Variants in NIPBL observed in about 807,000 individuals in gnomAD.
The protein encoded by NIPBL is NIPBL cohesin loading factor.
NIPBL carries 19 observed loss-of-function variants against 321.8 expected under a neutral mutation model. The ratio of observed to expected loss-of-function variants is 0.06; its 90% CI spans 0.04 to 0.09. The LOEUF (loss-of-function observed/expected upper bound fraction) is 0.09. Ranked by LOEUF, NIPBL falls within the 10% of genes least tolerant of loss-of-function variation. NIPBL has a pLI of 1.00. For missense variants in NIPBL, 2,210 were observed against 3,327.0 expected (o/e 0.66, Z 8.26); for synonymous variants, 1,106 against 1,114.1 (o/e 0.99, Z 0.14).
chr5:36,924,357 CA>C (rs1356604498), intron 1 of NIPBL, among the ~76,000 whole-genome samples: 1 of 152,068 alleles, frequency 6.6e-6, no homozygotes, highest in East Asian at 1.9e-4. Context: ...AGCTTGTCAG[CA>C]TTACAGAATT....
At chr5:37,064,236 G>A (rs1289796252) in intron 46 of NIPBL, 4 of 1,379,522 alleles carry the variant, frequency 2.9e-6, no homozygotes, top group Non-Finnish European at 3.8e-6. Context: ...ATTAATGTGT[G>A]TTATTTTTAT....
At chr5:36,967,219 A>G (rs904581695) in intron 6 of NIPBL, among the ~76,000 whole-genome samples, 1 of 152,144 alleles carries the variant, frequency 6.6e-6, no homozygotes, top group Non-Finnish European at 1.5e-5. Context: ...CTTAGCTCAT[A>G]GAGATGCATT....
chr5:37,014,581 GTATTTAAATA>G, intron 21 of NIPBL, 92 bp from the exon 22 acceptor site: 1 of 721,400 alleles, frequency 1.4e-6, no homozygotes, highest in Non-Finnish European at 2.4e-6. Context: ...AAGCATTTTA[GTATTTAAATA>G]TATTACCCCT....
At chr5:36,963,519 C>T (rs1435086461) in intron 6 of NIPBL, among the ~76,000 whole-genome samples, 1 of 151,884 alleles carries the variant, frequency 6.6e-6, no homozygotes, top group Non-Finnish European at 1.5e-5. Context: ...GAAATAGACA[C>T]AGCCAGGTGT....
chr5:36,990,405 A>G (rs1392585116), intron 10 of NIPBL, among the ~76,000 whole-genome samples: 1 of 147,736 alleles, frequency 6.8e-6, no homozygotes, highest in East Asian at 2.0e-4. Context: ...TCTGAGAGTG[A>G]ATTTATAGCA....
At position 37,013,809 on chromosome 5, in the gene NIPBL, G is replaced by A. The variant is rs535427527; in HGVS notation, c.4561-874G>A. Among the ~76,000 whole-genome samples the A allele has an allele frequency of 6.6e-5, 10 of 152,338 alleles. No homozygotes were observed. In the East Asian group the frequency reaches 1.7e-3, roughly 26 times the overall value. ...CTCCTCACTTCCCAGACGGGTTGGC[G>A]GCCGGGCAGAGGCTGCAATCTCGGC... is the stretch of plus-strand genomic sequence containing the variant. On this transcript the variant is annotated intron_variant, in intron 21 of 46. Transcript: ENST00000282516.
At chr5:37,055,578 G>C (rs1414336954) in intron 42 of NIPBL, among the ~76,000 whole-genome samples, 2 of 152,032 alleles carry the variant, frequency 1.3e-5, no homozygotes, top group Non-Finnish European at 2.9e-5. Context: ...AGAAAACTTA[G>C]GAAGAAGATT....
intron 42 of NIPBL, 152 bp downstream of exon 42, chr5:37,052,718 C>T: frequency 1.5e-6 from 1 of 668,850 alleles, no homozygotes; most frequent in South Asian, 2.0e-5. Context: ...ACAAAGTACA[C>T]AGTCAGAAGT....
chr5:37,041,258 T>G (rs1211543800), intron 34 of NIPBL, among the ~76,000 whole-genome samples: 5 of 119,356 alleles, frequency 4.2e-5, no homozygotes, highest in African/African-American at 1.4e-4. Flanking sequence ...GGTGGTTTTT[T>G]TTTTTTTTTT....
intron 1 of NIPBL, among the ~76,000 whole-genome samples, chr5:36,893,634 A>G (rs570648655): frequency 1.8e-4 from 27 of 152,270 alleles, no homozygotes; most frequent in African/African-American, 6.0e-4. Context: ...GATATTTGAT[A>G]TGGACTTTTT....
intron 34 of NIPBL, 147 bp from the exon 35 acceptor site, chr5:37,044,200 C>T (rs1752742443): frequency 1.5e-6 from 1 of 670,918 alleles, no homozygotes; most frequent in Non-Finnish European, 2.5e-6. Flanking sequence ...TCCTTCCATA[C>T]CTTGAAAAAA....
chr5:36,894,775 T>C (rs191971819), intron 1 of NIPBL, among the ~76,000 whole-genome samples: 34 of 152,344 alleles, frequency 2.2e-4, no homozygotes, highest in Non-Finnish European at 3.8e-4. Flanking sequence ...GTAGGAGTTA[T>C]AGAAATTATA....
chr5:36,986,269 C>G lies in NIPBL; in HGVS notation c.3089C>G (p.Pro1030Arg). 1 of 1,537,134 alleles carries G rather than the reference C, an allele frequency of 6.5e-7. No individual in the cohort carries two copies. The highest frequency in any genetic ancestry group is 8.7e-7 in the Non-Finnish European group (1 of 1,151,138). Residue 1030 changes from proline (P) to arginine (R), a missense_variant, in exon 10 of 47, where the codon CCT (proline) becomes CGT (arginine). Pro to Arg is a moderately radical substitution (Grantham distance 103). Transcript: ENST00000282516. ...REDKSRSSLKPIKNKPSKSNK... is the reference protein window; with the variant it reads ...REDKSRSSLKRIKNKPSKSNK... Reference sequence around the variant, plus strand: ...GACAAATCAAGAAGTTCCCTTAAACCTATCAAGAATAAACCATCAAAGTCA... The same window carrying G: ...GACAAATCAAGAAGTTCCCTTAAACGTATCAAGAATAAACCATCAAAGTCA...
chr5:37,033,724 A>ATT (rs1286423460), intron 32 of NIPBL, among the ~76,000 whole-genome samples: 10 of 82,324 alleles, frequency 1.2e-4, no homozygotes, highest in South Asian at 7.8e-4. Context: ...ATATATATAT[A>ATT]TATATATTTT....
chr5:36,957,203 T>C (rs749594104), intron 3 of NIPBL, among the ~76,000 whole-genome samples: 3 of 152,198 alleles, frequency 2.0e-5, no homozygotes, highest in Non-Finnish European at 4.4e-5. Context: ...TTTAATTTGC[T>C]ACTTATATTG....
chr5:36,985,404 A>G lies in NIPBL; in HGVS notation c.2224A>G (p.Ser742Gly). 6.2e-7 allele frequency: 1 copy of G among 1,613,678 alleles called. No homozygotes were observed. The highest frequency in any genetic ancestry group is 8.5e-7 in the Non-Finnish European group (1 of 1,179,936). ...TGAAACTCCAAAGCAAAAAGGTGAG[A>G]GCCGCCCTGAAACTCCAAAGCAAAA... ...RPETPKQKGE[S>G]RPETPKQKNE... Residue 742 changes from serine (S) to glycine (G), a missense_variant, in exon 10 of 47, where the codon AGC becomes GGC. Around this residue, in one of 14 missense-constraint regions of NIPBL, gnomAD observed 588 missense variants for 564.1 expected, o/e 1.04. Transcript: ENST00000282516.
intron 45 of NIPBL, among the ~76,000 whole-genome samples, chr5:37,061,280 A>G (rs1302418473): frequency 3.3e-5 from 5 of 152,222 alleles, no homozygotes; most frequent in Admixed American, 1.3e-4. Context: ...GATTATAGGA[A>G]AACCTGTGTG....
intron 6 of NIPBL, among the ~76,000 whole-genome samples, chr5:36,967,424 T>G (rs1447470690): frequency 6.6e-6 from 1 of 152,092 alleles, no homozygotes; most frequent in Non-Finnish European, 1.5e-5. Flanking sequence ...AAAAACATAC[T>G]CAGACTGTTC....
chr5:37,066,391 C>T lies in NIPBL; in HGVS notation c.*1499C>T, dbSNP rs1755337331. On this transcript the variant is annotated 3_prime_UTR_variant, in exon 47 of 47. Coordinates refer to ENST00000282516, the MANE Select transcript of NIPBL (RefSeq NM_133433.4). The stretch of plus-strand genomic sequence containing the variant: ...GCCACAAAATACCTTTTTGTGACAC[C>T]TATTAAACCACTATGAAAATAACTT... The T allele has an allele frequency of 6.6e-6, 1 of 152,102 alleles. No homozygotes were observed. The highest frequency in any genetic ancestry group is 1.5e-5 in the Non-Finnish European group (1 of 68,006). The allele number at this position is 152,102 out of a possible 1,614,324, so 9.4% of individuals were successfully genotyped here.
Sources: gnomAD v4.1 joint callset for allele counts (sites outside exome capture counted in the v4.1 genomes callset) on GRCh38, gnomAD v4.1.1 for gene constraint, gnomAD v4.1.1 regional missense constraint, MANE v1.5 for transcripts, NCBI Gene and HGNC (gene_info 2026-07-23, HGNC 2026-07-21) for gene names.